ITPR2: variants seen among roughly 807,000 people sequenced by gnomAD.
ITPR2 encodes inositol 1,4,5-trisphosphate receptor type 2.
A neutral mutation model predicts 317.1 loss-of-function variants in ITPR2; 207 were observed. The observed-to-expected ratio is 0.65, with a 90% confidence interval of 0.58 to 0.73. ITPR2 has a LOEUF of 0.73. Ranked by LOEUF, ITPR2 falls within the 30% of genes least tolerant of loss-of-function variation. The probability of loss-of-function intolerance (pLI) is 0.00; values close to 1 mark genes in which losing one functional copy is unlikely to be tolerated. For synonymous variants in ITPR2, 1,156 were observed against 1,149.1 expected (o/e 1.01, Z -0.12); for missense variants, 2,613 against 3,284.0 (o/e 0.80, Z 4.99).
intron 41 of ITPR2, among the ~76,000 whole-genome samples, chr12:26,485,383 C>T (rs1942642394): frequency 6.6e-6 from 1 of 152,154 alleles, no homozygotes; most frequent in African/African-American, 2.4e-5. Flanking sequence ...ATGTATTATA[C>T]ACCCTATACA....
At chr12:26,473,628 C>A (rs1028088013) in intron 45 of ITPR2, among the ~76,000 whole-genome samples, 2 of 152,172 alleles carry the variant, frequency 1.3e-5, no homozygotes, top group Non-Finnish European at 2.9e-5. Flanking sequence ...GTGCTACAGC[C>A]TCTAAAGTAA....
intron 37 of ITPR2, among the ~76,000 whole-genome samples, chr12:26,541,839 T>C (rs1944270902): frequency 6.6e-6 from 1 of 151,854 alleles, no homozygotes; most frequent in East Asian, 1.9e-4. Flanking sequence ...CTGCTGAGGA[T>C]AAGAATAAAT....
At chr12:26,802,590 TATATAG>T (rs1305583920) in intron 1 of ITPR2, among the ~76,000 whole-genome samples, 9 of 9,724 alleles carry the variant, frequency 9.3e-4, no homozygotes, top group Non-Finnish European at 2.0e-3. Flanking sequence ...GATATATCTA[TATATAG>T]ATATAGATAT....
In ITPR2 at chr12:26,663,666, A is replaced by C. The variant is rs1248291437; in HGVS notation, c.1713+19T>G. On this transcript the variant is annotated intron_variant, in intron 15 of 56. Transcript: ENST00000381340. ...TACTTTACATATGAAACAGTTTAAA[A>C]TGGGGGCTACCCTCTGACCTGATTT... is the stretch of plus-strand genomic sequence containing the variant. 3 of 1,591,028 alleles carry C rather than the reference A, an allele frequency of 1.9e-6. No individual in the cohort carries two copies. Among genetic ancestry groups the C allele is most frequent in the Non-Finnish European group, 1.7e-6 (2 of 1,170,920 alleles).
intron 55 of ITPR2, among the ~76,000 whole-genome samples, chr12:26,366,859 T>C (rs1478546269): frequency 6.6e-6 from 1 of 152,120 alleles, no homozygotes; most frequent in African/African-American, 2.4e-5. Context: ...AGACTTCCTT[T>C]CCACAGTGAA....
intron 2 of ITPR2, among the ~76,000 whole-genome samples, chr12:26,733,122 T>C (rs1006521469): frequency 2.6e-5 from 4 of 151,702 alleles, no homozygotes; most frequent in Admixed American, 1.3e-4. Context: ...AAGACCAGCC[T>C]GGCCAACATG....
At chr12:26,715,688 T>C in intron 7 of ITPR2, 64 bp downstream of exon 7, 1 of 1,078,994 alleles carries the variant, frequency 9.3e-7, no homozygotes, top group East Asian at 2.4e-5. Flanking sequence ...AGGTTTTGCA[T>C]CTAGAATTTC....
chr12:26,589,522 C>T (rs1016680204), intron 32 of ITPR2, among the ~76,000 whole-genome samples: 2 of 151,578 alleles, frequency 1.3e-5, no homozygotes, highest in African/African-American at 4.9e-5. Context: ...GGTGCAGTGG[C>T]TCACACCTGG....
chr12:26,550,211 T>C (rs760758379), intron 37 of ITPR2, 36 bp downstream of exon 37: 3 of 876,726 alleles, frequency 3.4e-6, no homozygotes, highest in South Asian at 1.6e-5. Context: ...GAAATCCTAC[T>C]TTATTTTTAA....
At chr12:26,601,866 G>A (rs1946006272) in intron 28 of ITPR2, among the ~76,000 whole-genome samples, 1 of 152,040 alleles carries the variant, frequency 6.6e-6, no homozygotes, top group South Asian at 2.1e-4. Context: ...CAAATAGGAA[G>A]CAATGAGACG....
At chr12:26,753,840 G>T (rs1271530143) in intron 2 of ITPR2, among the ~76,000 whole-genome samples, 2 of 152,102 alleles carry the variant, frequency 1.3e-5, no homozygotes, top group Non-Finnish European at 2.9e-5. Flanking sequence ...TTTGCTGCAG[G>T]TCCCTGAAAA....
rs578130755 is a variant in ITPR2, at chr12:26,657,349, T to C, written c.2192+358A>G. On this transcript the variant is annotated intron_variant, in intron 18 of 56. Transcript: ENST00000381340. Reference sequence around the variant, plus strand: ...CTGGCTTACTTGCTCTGAGCTACCCTTGTAGCCAGATCAATTTCCTTAGCT... The same window carrying C: ...CTGGCTTACTTGCTCTGAGCTACCCCTGTAGCCAGATCAATTTCCTTAGCT... Among the ~76,000 whole-genome samples the C allele has an allele frequency of 4.0e-4, 61 of 152,340 alleles. 2 individuals carry two copies. The highest frequency in any genetic ancestry group is 6.8e-3 in the Middle Eastern group (2 of 294).
chr12:26,699,211 A>C (rs10771294), intron 9 of ITPR2, among the ~76,000 whole-genome samples: 33,786 of 151,938 alleles, frequency 0.22, 4,412 homozygotes, highest in African/African-American at 0.36. Flanking sequence ...AATGTACCTA[A>C]GTCAAACACA....
chr12:26,827,151 T>G (rs901465021), intron 1 of ITPR2, among the ~76,000 whole-genome samples: 3 of 152,204 alleles, frequency 2.0e-5, no homozygotes, highest in African/African-American at 7.2e-5. Context: ...ATTCACCATC[T>G]TCGTCCAATA....
rs966719746 is a variant in ITPR2, at chr12:26,663,726, G to A, written c.1672C>T (p.Arg558Cys). The A allele has an allele frequency of 4.3e-6, 7 of 1,613,276 alleles. No homozygotes were observed. Among genetic ancestry groups the A allele is most frequent in the South Asian group, 1.1e-5 (1 of 90,908 alleles). The change falls in exon 15 of 57, where the codon CGC (arginine) becomes TGC (cysteine). Residue 558 changes from arginine to cysteine, a missense_variant. Arg to Cys is a radical substitution (Grantham distance 180). Around this residue, in one of 9 missense-constraint regions of ITPR2, gnomAD observed 515 missense variants for 789.4 expected, o/e 0.65. Transcript: ENST00000381340. ...TCCTGCTGCGAGTGTCTCAGGACGC[G>A]GTAACAGAGCCGCAGCATGTACTTG... ...PYKYMLRLCY[R>C]VLRHSQQDYR...
In ITPR2 at chr12:26,415,343, A is replaced by G. The variant is rs766827997; in HGVS notation, c.7266T>C (p.Thr2422=). 1.2e-6 allele frequency: 2 copies of G among 1,611,640 alleles called. No homozygotes were observed. Among genetic ancestry groups the G allele is most frequent in the South Asian group, 2.2e-5 (2 of 90,720 alleles). Residue 2422 remains threonine, a synonymous_variant, in exon 51 of 57, where the codon ACT becomes ACC. Coordinates refer to ENST00000381340, the MANE Select transcript of ITPR2 (RefSeq NM_002223.4). ...IGFLFLKDDF[T]MEVDRLKNRT... ...GGTTTTTCAGCCTATCAACTTCCAT[A>G]GTGAAGTCATCCTTCAAAAAAAGGA... is the stretch of plus-strand genomic sequence containing the variant.
At chr12:26,366,787 AT>A (rs1473676780) in intron 55 of ITPR2, among the ~76,000 whole-genome samples, 2 of 152,120 alleles carry the variant, frequency 1.3e-5, no homozygotes, top group African/African-American at 2.4e-5. Context: ...AAGAAAAGTC[AT>A]TTTTCCCTTT....
chr12:26,697,078 C>A (rs1948365350), intron 9 of ITPR2, among the ~76,000 whole-genome samples: 1 of 152,204 alleles, frequency 6.6e-6, no homozygotes, highest in African/African-American at 2.4e-5. Context: ...ACAGAAGCAA[C>A]TGCCTTAGTT....
intron 2 of ITPR2, among the ~76,000 whole-genome samples, chr12:26,732,012 A>AAC: frequency 6.6e-6 from 1 of 151,518 alleles, no homozygotes; most frequent in Non-Finnish European, 1.5e-5. Flanking sequence ...TTTCAAACCA[A>AAC]ACATCTATCC....
Sources: gnomAD v4.1 joint callset for allele counts (sites outside exome capture counted in the v4.1 genomes callset) on GRCh38, gnomAD v4.1.1 for gene constraint, gnomAD v4.1.1 regional missense constraint, MANE v1.5 for transcripts, NCBI Gene and HGNC (gene_info 2026-07-23, HGNC 2026-07-21) for gene names.